RIMS1: variants seen among roughly 807,000 people sequenced by gnomAD.
RIMS1 encodes the protein regulating synaptic membrane exocytosis 1, also known as regulating synaptic membrane exocytosis protein 1.
RIMS1 carries 83 observed loss-of-function variants against 214.1 expected under a neutral mutation model. The ratio of observed to expected loss-of-function variants is 0.39; its 90% CI spans 0.32 to 0.47. The LOEUF is 0.47. RIMS1 is among the 20% of genes least tolerant of loss of function. The probability of loss-of-function intolerance (pLI) is 0.99; values close to 1 mark genes in which losing one functional copy is unlikely to be tolerated. For missense variants in RIMS1, 2,050 were observed against 2,161.8 expected, an observed-to-expected ratio of 0.95 and a Z score of 1.03; for synonymous variants, 793 against 786.8, an observed-to-expected ratio of 1.01 and a Z score of -0.13.
chr6:72,040,988 C>A (rs925076489), intron 2 of RIMS1, among the ~76,000 whole-genome samples: 1 of 151,766 alleles, frequency 6.6e-6, no homozygotes, highest in African/African-American at 2.4e-5. Flanking sequence ...TTTAAATTGT[C>A]CTGCTTACCT....
intron 23 of RIMS1, among the ~76,000 whole-genome samples, chr6:72,283,511 A>G (rs949888521): frequency 7.7e-5 from 11 of 143,656 alleles, no homozygotes; most frequent in Non-Finnish European, 2.9e-5. Flanking sequence ...TTAATACTTT[A>G]TATAAATACT....
intron 2 of RIMS1, among the ~76,000 whole-genome samples, chr6:72,083,785 T>C (rs1833995375): frequency 6.6e-6 from 1 of 152,190 alleles, no homozygotes; most frequent in South Asian, 2.1e-4. Flanking sequence ...GTTGCTATTA[T>C]TATCACCAGT....
At position 72,130,710 on chromosome 6, in the gene RIMS1, G is replaced by A. The variant is rs1322933782; in HGVS notation, c.471+30724G>A. 2.0e-5 allele frequency among the ~76,000 whole-genome samples: 3 copies of A among 151,954 alleles called. No homozygotes were observed. In the South Asian group the frequency reaches 6.2e-4, roughly 31 times the overall value. On this transcript the variant is annotated intron_variant, in intron 4 of 33. Coordinates refer to ENST00000521978, the MANE Select transcript of RIMS1 (RefSeq NM_014989.7). ...TGGAATACATATATGATAGACATTT[G>A]TGTTGCAGGAAAATATTATGTCCCA...
At chr6:72,045,971 A>T (rs546429151) in intron 2 of RIMS1, among the ~76,000 whole-genome samples, 2 of 151,890 alleles carry the variant, frequency 1.3e-5, no homozygotes, top group Non-Finnish European at 2.9e-5. Flanking sequence ...TAATGTTTTG[A>T]TAACAGAAAT....
chr6:72,327,632 G>A (rs1035621304), intron 28 of RIMS1, among the ~76,000 whole-genome samples: 1 of 151,734 alleles, frequency 6.6e-6, no homozygotes, highest in Non-Finnish European at 1.5e-5. Context: ...ATCCCCATCA[G>A]CAATGTTGAC....
At chr6:72,233,666 C>G (rs183041534) in intron 6 of RIMS1, 107 bp from the exon 7 acceptor site, 4 of 837,878 alleles carry the variant, frequency 4.8e-6, no homozygotes, top group African/African-American at 3.4e-5. Flanking sequence ...TGTACACGCT[C>G]AAGCTTATGA....
intron 22 of RIMS1, among the ~76,000 whole-genome samples, chr6:72,272,884 C>A (rs974668208): frequency 3.3e-5 from 5 of 152,072 alleles, no homozygotes; most frequent in Non-Finnish European, 7.4e-5. Flanking sequence ...AAACAAAAGC[C>A]AGTACAGTGA....
At chr6:72,263,288 C>T in intron 19 of RIMS1, 1 of 985,164 alleles carries the variant, frequency 1.0e-6, no homozygotes, top group Non-Finnish European at 1.2e-6. Context: ...TAAAACGTGT[C>T]TCGAGGAAGT....
chr6:72,210,786 T>A (rs1356315642), intron 6 of RIMS1, among the ~76,000 whole-genome samples: 1 of 152,224 alleles, frequency 6.6e-6, no homozygotes, highest in Non-Finnish European at 1.5e-5. Flanking sequence ...ATGGGAATAA[T>A]AATAGCAATA....
At chr6:72,293,120 A>G (rs946015855) in intron 26 of RIMS1, among the ~76,000 whole-genome samples, 4 of 152,002 alleles carry the variant, frequency 2.6e-5, no homozygotes, top group African/African-American at 7.2e-5. Flanking sequence ...ATTATGGAAA[A>G]CTTAGTGTAG....
intron 29 of RIMS1, among the ~76,000 whole-genome samples, chr6:72,337,924 C>T (rs756773112): frequency 1.3e-5 from 2 of 151,620 alleles, no homozygotes; most frequent in Non-Finnish European, 2.9e-5. Flanking sequence ...AAGAACTCAT[C>T]GTTTTTTATG....
At chr6:72,198,462 G>A (rs1012464890) in intron 6 of RIMS1, among the ~76,000 whole-genome samples, 1 of 151,968 alleles carries the variant, frequency 6.6e-6, no homozygotes, top group African/African-American at 2.4e-5. Context: ...TTTCATGGAG[G>A]TAGACAGTAG....
chr6:72,377,058 T>A (rs755795170), intron 29 of RIMS1, among the ~76,000 whole-genome samples: 2 of 152,150 alleles, frequency 1.3e-5, no homozygotes, highest in Non-Finnish European at 2.9e-5. Context: ...AAATAAAAGG[T>A]CTTTTAGTCT....
At chr6:72,055,715 T>C (rs1312702764) in intron 2 of RIMS1, among the ~76,000 whole-genome samples, 1 of 152,194 alleles carries the variant, frequency 6.6e-6, no homozygotes, top group Non-Finnish European at 1.5e-5. Context: ...CATAATGAGA[T>C]ATCATCTCAC....
chr6:72,098,075 T>G (rs1237357560), intron 3 of RIMS1, among the ~76,000 whole-genome samples: 3 of 152,182 alleles, frequency 2.0e-5, no homozygotes, highest in Non-Finnish European at 2.9e-5. Context: ...TGTCATATTA[T>G]CTAATCATTA....
chr6:71,934,385 A>G (rs1457938225), intron 1 of RIMS1, among the ~76,000 whole-genome samples: 1 of 152,166 alleles, frequency 6.6e-6, no homozygotes, highest in Non-Finnish European at 1.5e-5. Flanking sequence ...AAGTATTACA[A>G]TTATCTACCT....
At chr6:72,217,792 A>T (rs1437016487) in intron 6 of RIMS1, among the ~76,000 whole-genome samples, 1 of 152,156 alleles carries the variant, frequency 6.6e-6, no homozygotes, top group Non-Finnish European at 1.5e-5. Flanking sequence ...CTAAAGGGGA[A>T]ACTGTTCAGA....
At chr6:72,131,585 A>G (rs1194341907) in intron 4 of RIMS1, among the ~76,000 whole-genome samples, 1 of 152,202 alleles carries the variant, frequency 6.6e-6, no homozygotes, top group African/African-American at 2.4e-5. Context: ...TCACAAGGTA[A>G]TAGAATATCA....
At chr6:72,285,845 T>G (rs2092121356) in intron 24 of RIMS1, among the ~76,000 whole-genome samples, 1 of 152,206 alleles carries the variant, frequency 6.6e-6, no homozygotes, top group South Asian at 2.1e-4. Context: ...TGATTAAACC[T>G]TTTCCTTGAA....
Sources: allele counts gnomAD v4.1 joint callset (sites outside exome capture counted in the v4.1 genomes callset), GRCh38; gene constraint gnomAD v4.1.1; transcripts MANE v1.5; gene names NCBI Gene and HGNC (gene_info 2026-07-23, HGNC 2026-07-21).